SGCZ: variants seen among roughly 807,000 people sequenced by gnomAD.
SGCZ encodes sarcoglycan zeta.
SGCZ carries 40 observed loss-of-function variants against 41.3 expected under a neutral mutation model. That is an observed-to-expected ratio of 0.97 (90% confidence interval 0.75 to 1.26). SGCZ has a LOEUF of 1.26. SGCZ is among the 50% of genes most tolerant of loss of function. The pLI is 0.00. For synonymous variants in SGCZ, 206 were observed against 137.5 expected (o/e 1.50, Z -3.49); for missense variants, 552 against 369.8 (o/e 1.49, Z -4.04).
intron 3 of SGCZ, among the ~76,000 whole-genome samples, chr8:14,293,107 C>G (rs1800894054): frequency 6.6e-6 from 1 of 151,832 alleles, no homozygotes; most frequent in Admixed American, 6.6e-5. Flanking sequence ...AAAGTACAGC[C>G]AAAAATGTCC....
At chr8:14,181,074 T>TA (rs1318989277) in intron 4 of SGCZ, among the ~76,000 whole-genome samples, 1 of 152,118 alleles carries the variant, frequency 6.6e-6, no homozygotes, top group Non-Finnish European at 1.5e-5. Flanking sequence ...AGGGAAGCCA[T>TA]GTGTGATAGT....
At chr8:15,063,482 T>G (rs567244343) in intron 1 of SGCZ, among the ~76,000 whole-genome samples, 1 of 152,296 alleles carries the variant, frequency 6.6e-6, no homozygotes, top group East Asian at 1.9e-4. Context: ...ACAAATCATT[T>G]GGCAATAATT....
At chr8:14,718,062 T>C (rs1005361389) in intron 1 of SGCZ, among the ~76,000 whole-genome samples, 6 of 151,038 alleles carry the variant, frequency 4.0e-5, no homozygotes, top group African/African-American at 1.5e-4. Flanking sequence ...TTCCTATTTT[T>C]CTTATCTTTG....
chr8:15,151,095 G>A (rs1402426091), intron 1 of SGCZ, among the ~76,000 whole-genome samples: 3 of 152,302 alleles, frequency 2.0e-5, no homozygotes, highest in East Asian at 1.9e-4. Flanking sequence ...CACACACTTC[G>A]CTGGAGCGGC....
intron 1 of SGCZ, among the ~76,000 whole-genome samples, chr8:14,903,065 A>C (rs1799018645): frequency 6.6e-6 from 1 of 152,136 alleles, no homozygotes; most frequent in Non-Finnish European, 1.5e-5. Flanking sequence ...AGACGATGCC[A>C]CTGTTCTGTA....
At chr8:14,538,888 G>A (rs1216574730) in intron 2 of SGCZ, among the ~76,000 whole-genome samples, 2 of 151,860 alleles carry the variant, frequency 1.3e-5, no homozygotes, top group Admixed American at 1.3e-4. Flanking sequence ...TAGGAAGGGT[G>A]GATTTGAAGT....
rs75279377 is a variant in SGCZ at position 15,231,418 on chromosome 8, T to A, written c.39+6167A>T. 7.8e-3 allele frequency among the ~76,000 whole-genome samples: 1,185 copies of A among 152,140 alleles called. 15 individuals are homozygous for A. Among genetic ancestry groups the A allele is most frequent in the African/African-American group, 0.027 (1,123 of 41,496 alleles). On this transcript the variant is annotated intron_variant, in intron 1 of 7. Transcript: ENST00000382080. Reference sequence around the variant, plus strand: ...AACTCTCAAGGCAATTTGGAACAATTTTTAATTTTTAGAATGTGAGGCTAC... The same window carrying A: ...AACTCTCAAGGCAATTTGGAACAATATTTAATTTTTAGAATGTGAGGCTAC...
chr8:14,727,026 C>T (rs1810077336), intron 1 of SGCZ, among the ~76,000 whole-genome samples: 1 of 151,882 alleles, frequency 6.6e-6, no homozygotes, highest in Non-Finnish European at 1.5e-5. Flanking sequence ...AATATTCAAT[C>T]CACAGTCTGC....
At chr8:14,851,368 CAAAAAAAA>C (rs369090223) in intron 1 of SGCZ, among the ~76,000 whole-genome samples, 1 of 61,908 alleles carries the variant, frequency 1.6e-5, no homozygotes, top group Non-Finnish European at 2.9e-5. Flanking sequence ...GACTCCATCT[CAAAAAAAA>C]AAAAAAAAAA....
chr8:14,223,268 A>G (rs1806264993), intron 4 of SGCZ, among the ~76,000 whole-genome samples: 1 of 152,064 alleles, frequency 6.6e-6, no homozygotes, highest in Non-Finnish European at 1.5e-5. Flanking sequence ...TTTGGTGCAC[A>G]CTATTAAATT....
At chr8:14,687,171 AATATATATAT>A (rs59722242) in intron 1 of SGCZ, among the ~76,000 whole-genome samples, 1 of 141,328 alleles carries the variant, frequency 7.1e-6, no homozygotes, top group Non-Finnish European at 1.5e-5. Context: ...AGAAAAAAAA[AATATATATAT>A]ATATATATAT....
intron 1 of SGCZ, among the ~76,000 whole-genome samples, chr8:15,126,992 G>A (rs1247486427): frequency 1.3e-5 from 2 of 152,188 alleles, no homozygotes; most frequent in Non-Finnish European, 2.9e-5. Context: ...CCATGCACGT[G>A]TCTAGACACA....
At chr8:14,935,063 A>G (rs909513269) in intron 1 of SGCZ, among the ~76,000 whole-genome samples, 4 of 151,552 alleles carry the variant, frequency 2.6e-5, no homozygotes, top group Non-Finnish European at 4.4e-5. Flanking sequence ...ATGATTTCTA[A>G]AAATTACAAT....
chr8:14,679,888 AT>A (rs533862280), intron 1 of SGCZ, among the ~76,000 whole-genome samples: 2 of 151,164 alleles, frequency 1.3e-5, no homozygotes, highest in East Asian at 3.9e-4. Flanking sequence ...TATATTTTTT[AT>A]TTTTTTAACT....
intron 1 of SGCZ, among the ~76,000 whole-genome samples, chr8:15,056,372 C>T (rs1444071878): frequency 6.6e-6 from 1 of 152,160 alleles, no homozygotes; most frequent in East Asian, 1.9e-4. Flanking sequence ...TATCTTTTCT[C>T]TTCTGCTTCT....
At chr8:15,078,116 G>A (rs1199881892) in intron 1 of SGCZ, among the ~76,000 whole-genome samples, 2 of 141,696 alleles carry the variant, frequency 1.4e-5, no homozygotes, top group East Asian at 4.3e-4. Context: ...GATTTTCAGT[G>A]TGAGGTGACA....
intron 2 of SGCZ, among the ~76,000 whole-genome samples, chr8:14,335,381 C>G (rs2117061838): frequency 6.6e-6 from 1 of 152,158 alleles, no homozygotes; most frequent in South Asian, 2.1e-4. Context: ...CCTTGAATTC[C>G]AAGGATGAAT....
In SGCZ at chr8:14,674,158, T is replaced by C. The variant is rs539988749; in HGVS notation, c.40-119232A>G. ...ATAAATAGGTAGTTATCTGTTTTCA[T>C]GTTAGCTTAGCTAATTTTTAAAAGA... On this transcript the variant is annotated intron_variant, in intron 1 of 7. Transcript: ENST00000382080. Among the ~76,000 whole-genome samples, 18 of 102,748 alleles carry C rather than the reference T, an allele frequency of 1.8e-4. No individual in the cohort carries two copies. In the East Asian group the frequency reaches 6.7e-3, roughly 38 times the overall value. The allele number at this position is 102,748 out of a possible 152,430, so 67.4% of individuals were successfully genotyped here.
In SGCZ at chr8:14,714,425, C is replaced by G. The variant is rs149041165; in HGVS notation, c.40-159499G>C. 5.0e-3 allele frequency among the ~76,000 whole-genome samples: 763 copies of G among 152,310 alleles called. 3 individuals are homozygous for G. The highest frequency in any genetic ancestry group is 0.019 in the East Asian group (100 of 5,184). ...CAATGATTTAATAACATGATTTATTCTCACACAACTTTAACTGGCATTTAA... is the reference window on the plus strand; with the variant it reads ...CAATGATTTAATAACATGATTTATTGTCACACAACTTTAACTGGCATTTAA... On this transcript the variant is annotated intron_variant, in intron 1 of 7. Coordinates refer to ENST00000382080, the MANE Select transcript of SGCZ (RefSeq NM_139167.4).
Sources: allele counts gnomAD v4.1 joint callset (sites outside exome capture counted in the v4.1 genomes callset), GRCh38; gene constraint gnomAD v4.1.1; transcripts MANE v1.5; gene names NCBI Gene and HGNC (gene_info 2026-07-23, HGNC 2026-07-21).